The following COMMD10 variants were observed in gnomAD, a reference collection of about 807,000 sequenced individuals.
COMMD10 encodes COMM domain containing 10.
Under a neutral mutation model 28.9 loss-of-function variants are expected in COMMD10, and 33 were observed. The observed-to-expected ratio is 1.14, with a 90% CI of 0.87 to 1.53. The LOEUF is 1.53. Ranked by LOEUF, COMMD10 falls within the 40% of genes most tolerant of loss-of-function variation. The probability of loss-of-function intolerance (pLI) is 0.00; values close to 1 mark genes in which losing one functional copy is unlikely to be tolerated. For missense variants in COMMD10, 310 were observed against 233.4 expected, an observed-to-expected ratio of 1.33 and a Z score of -2.14; for synonymous variants, 110 against 81.7, an observed-to-expected ratio of 1.35 and a Z score of -1.87.
chr5:116,152,126 TTC>T (rs1752548026), intron 5 of COMMD10, among the ~76,000 whole-genome samples: 1 of 152,208 alleles, frequency 6.6e-6, no homozygotes, highest in South Asian at 2.1e-4. Context: ...CCAGTAGTCA[TTC>T]AGGAGCAAGT....
rs182543343 is a variant in COMMD10, at chr5:116,274,343, T to G, written c.511-17174T>G. The stretch of plus-strand genomic sequence containing the variant: ...GTAAAACACCAAATAGTAAATTCTT[T>G]AAATTTGCAGACTATACAGCTCTGC... On this transcript the variant is annotated intron_variant, in intron 5 of 6. Coordinates refer to ENST00000274458, the MANE Select transcript of COMMD10 (RefSeq NM_016144.4). 4.6e-4 allele frequency among the ~76,000 whole-genome samples: 70 copies of G among 151,974 alleles called. 2 individuals are homozygous for G. Among genetic ancestry groups the G allele is most frequent in the African/African-American group, 1.7e-3 (69 of 41,302 alleles).
intron 5 of COMMD10, among the ~76,000 whole-genome samples, chr5:116,268,332 C>A (rs1014037163): frequency 6.6e-6 from 1 of 151,614 alleles, no homozygotes; most frequent in Non-Finnish European, 1.5e-5. Context: ...TTTATGCAGC[C>A]AAAAAACACA....
chr5:116,088,106 A>G (rs1246500171), intron 2 of COMMD10, among the ~76,000 whole-genome samples: 1 of 152,172 alleles, frequency 6.6e-6, no homozygotes, highest in Non-Finnish European at 1.5e-5. Context: ...ACCTGGCCCA[A>G]TCCAAGTTAA....
intron 5 of COMMD10, among the ~76,000 whole-genome samples, chr5:116,250,684 C>G (rs188428742): frequency 6.6e-6 from 1 of 151,910 alleles, no homozygotes; most frequent in East Asian, 1.9e-4. Flanking sequence ...ACTGATGGAA[C>G]AAGCAGTGCA....
At chr5:116,249,054 T>C (rs1460617155) in intron 5 of COMMD10, among the ~76,000 whole-genome samples, 5 of 152,082 alleles carry the variant, frequency 3.3e-5, no homozygotes, top group East Asian at 3.9e-4. Context: ...TTTATTGTTT[T>C]TAGTGAAAGA....
chr5:116,287,101 C>T (rs896711419), intron 5 of COMMD10, among the ~76,000 whole-genome samples: 4 of 151,680 alleles, frequency 2.6e-5, no homozygotes, highest in Non-Finnish European at 5.9e-5. Flanking sequence ...AAACAATGTA[C>T]AGCAGGCTTT....
intron 5 of COMMD10, among the ~76,000 whole-genome samples, chr5:116,285,177 A>G (rs536971470): frequency 2.6e-5 from 4 of 152,094 alleles, no homozygotes; most frequent in South Asian, 2.1e-4. Flanking sequence ...AAACAAGAGT[A>G]AAAATGGAGA....
chr5:116,220,564 TAGAGTTATA>T (rs969844392), intron 5 of COMMD10, among the ~76,000 whole-genome samples: 1 of 151,870 alleles, frequency 6.6e-6, no homozygotes, highest in Non-Finnish European at 1.5e-5. Context: ...GAAAGAAGAG[TAGAGTTATA>T]AGGATCCAGG....
chr5:116,270,839 T>C (rs931648409), intron 5 of COMMD10, among the ~76,000 whole-genome samples: 2 of 151,526 alleles, frequency 1.3e-5, no homozygotes, highest in East Asian at 1.9e-4. Flanking sequence ...CTTGGGAGGC[T>C]GAGACAGGAA....
At chr5:116,223,510 A>C (rs748517270) in intron 5 of COMMD10, among the ~76,000 whole-genome samples, 10 of 152,184 alleles carry the variant, frequency 6.6e-5, no homozygotes, top group Non-Finnish European at 1.3e-4. Context: ...TTAAATTTCT[A>C]ATTAGAAATT....
In COMMD10 at chr5:116,087,531, G is replaced by T. The variant is rs149347900; in HGVS notation, c.76G>T (p.Asp26Tyr). The T allele has an allele frequency of 1.2e-5, 19 of 1,612,410 alleles. No individual in the cohort carries two copies. Among genetic ancestry groups the T allele is most frequent in the Non-Finnish European group, 1.5e-5 (18 of 1,178,428 alleles). The part of the protein sequence containing the change: ...KKAVSLINAI[D>Y]TGRFPRLLTR... ...AGCAGTGTCACTGATAAATGCAATA[G>T]ATACAGGAAGATTTCCACGGTTGCT... Residue 26 changes from aspartate (D) to tyrosine (Y), a missense_variant, in exon 2 of 7, where the codon GAT (aspartate) becomes TAT (tyrosine). Physicochemically the swap from Asp to Tyr is radical, Grantham distance 160. Transcript: ENST00000274458.
chr5:116,183,382 T>A (rs910061442), intron 5 of COMMD10, among the ~76,000 whole-genome samples: 1 of 152,148 alleles, frequency 6.6e-6, no homozygotes, highest in Non-Finnish European at 1.5e-5. Context: ...TGGGTTTAGC[T>A]AGCTCATGCC....
intron 5 of COMMD10, among the ~76,000 whole-genome samples, chr5:116,230,799 A>G (rs1019296133): frequency 2.6e-5 from 4 of 152,116 alleles, no homozygotes; most frequent in African/African-American, 9.7e-5. Flanking sequence ...AGTTGCCTTG[A>G]CAAGCAGAGA....
chr5:116,102,152 A>G (rs1418812959), intron 4 of COMMD10, among the ~76,000 whole-genome samples: 1 of 152,174 alleles, frequency 6.6e-6, no homozygotes, highest in Non-Finnish European at 1.5e-5. Flanking sequence ...GGTCCAAAAG[A>G]GTTTTCGCTA....
chr5:116,182,978 C>T (rs1748020732), intron 5 of COMMD10, among the ~76,000 whole-genome samples: 1 of 152,118 alleles, frequency 6.6e-6, no homozygotes, highest in South Asian at 2.1e-4. Flanking sequence ...AAGAAGGTGC[C>T]TGCTTCTCCT....
At chr5:116,152,840 T>G (rs925772762) in intron 5 of COMMD10, among the ~76,000 whole-genome samples, 2 of 152,238 alleles carry the variant, frequency 1.3e-5, no homozygotes, top group African/African-American at 4.8e-5. Flanking sequence ...ATGAGAATTA[T>G]AAGCATAAAC....
At chr5:116,224,561 C>T (rs945064148) in intron 5 of COMMD10, among the ~76,000 whole-genome samples, 6 of 152,164 alleles carry the variant, frequency 3.9e-5, no homozygotes, top group South Asian at 2.1e-4. Flanking sequence ...AACAAGGGTC[C>T]GGGGCCGCGG....
At chr5:116,089,448 C>T (rs1240997602) in intron 2 of COMMD10, among the ~76,000 whole-genome samples, 2 of 152,190 alleles carry the variant, frequency 1.3e-5, no homozygotes, top group Non-Finnish European at 2.9e-5. Context: ...TGCTTTATTT[C>T]TTCAGCTGGT....
At chr5:116,201,435 AT>A (rs1748663271) in intron 5 of COMMD10, among the ~76,000 whole-genome samples, 1 of 152,084 alleles carries the variant, frequency 6.6e-6, no homozygotes, top group Non-Finnish European at 1.5e-5. Flanking sequence ...CCAGCAATTA[AT>A]TGCTGTTTAA....
Sources: allele counts gnomAD v4.1 joint callset (sites outside exome capture counted in the v4.1 genomes callset), GRCh38; gene constraint gnomAD v4.1.1; transcripts MANE v1.5; gene names NCBI Gene and HGNC (gene_info 2026-07-23, HGNC 2026-07-21).